The following RASSF8 variants were observed in gnomAD, a reference collection of about 807,000 sequenced individuals.
The protein encoded by RASSF8 is ras association domain-containing protein 8.
RASSF8 carries 22 observed loss-of-function variants against 48.5 expected under a neutral mutation model. That is an observed-to-expected ratio of 0.45 (90% CI 0.32 to 0.65). The LOEUF (loss-of-function observed/expected upper bound fraction) is 0.65, where lower values mean the gene tolerates loss of function less well. RASSF8 is among the 30% of genes least tolerant of loss of function. The probability of loss-of-function intolerance (pLI) is 0.03; values close to 1 mark genes in which losing one functional copy is unlikely to be tolerated. For missense variants in RASSF8, 418 were observed against 489.2 expected (o/e 0.85, Z 1.37); for synonymous variants, 127 against 171.5 (o/e 0.74, Z 2.03).
At chr12:26,008,760 A>G (rs984539927) in intron 2 of RASSF8, among the ~76,000 whole-genome samples, 6 of 152,208 alleles carry the variant, frequency 3.9e-5, no homozygotes, top group African/African-American at 1.4e-4. Flanking sequence ...AAGCATCTGC[A>G]TAGAATCTTA....
rs1190941000 is a variant in RASSF8, at chr12:25,958,943, C to G, written c.-408C>G. 6.8e-6 allele frequency: 1 copy of G among 146,914 alleles called. No individual in the cohort carries two copies. The highest frequency in any genetic ancestry group is 1.5e-5 in the Non-Finnish European group (1 of 66,088). 9.1% of individuals were successfully genotyped at this position (146,914 alleles called of 1,614,324 possible). On this transcript the variant is annotated 5_prime_UTR_variant, in exon 1 of 6. Transcript: ENST00000689635. ...GCGTCCACACTCACCTAGCGCGGGC[C>G]GGGAGGTGCGCGGAGAGGGAACGCC...
At chr12:26,006,065 A>T (rs1942383544) in intron 2 of RASSF8, among the ~76,000 whole-genome samples, 1 of 152,178 alleles carries the variant, frequency 6.6e-6, no homozygotes, top group Admixed American at 6.5e-5. Flanking sequence ...GCACAGACAC[A>T]CACACACACA....
At chr12:25,977,684 T>A (rs929861636) in intron 1 of RASSF8, among the ~76,000 whole-genome samples, 2 of 147,518 alleles carry the variant, frequency 1.4e-5, no homozygotes, top group Non-Finnish European at 3.0e-5. Flanking sequence ...AAAAAAAAAA[T>A]AAGAATCTTG....
chr12:26,054,015 A>G (rs1943549237), intron 2 of RASSF8, among the ~76,000 whole-genome samples: 1 of 152,234 alleles, frequency 6.6e-6, no homozygotes, highest in African/African-American at 2.4e-5. Context: ...TTTACAAGAA[A>G]AATTTCTAGT....
intron 3 of RASSF8, among the ~76,000 whole-genome samples, chr12:26,057,195 A>G (rs1943625610): frequency 1.3e-5 from 2 of 151,902 alleles, no homozygotes; most frequent in South Asian, 2.1e-4. Flanking sequence ...GGTTTGTTAC[A>G]TATGTATATA....
In RASSF8 at chr12:26,072,138, A is replaced by C. The variant is rs1415785570; in HGVS notation, c.*3320A>C. 2.0e-6 allele frequency: 2 copies of C among 984,296 alleles called. No individual in the cohort carries two copies. The highest frequency in any genetic ancestry group is 3.5e-5 in the African/African-American group (2 of 57,226). 61.0% of individuals were successfully genotyped at this position (984,296 alleles called of 1,614,324 possible). On this transcript the variant is annotated 3_prime_UTR_variant, in exon 6 of 6. Coordinates refer to ENST00000689635, the MANE Select transcript of RASSF8 (RefSeq NM_001394098.1). Reference sequence around the variant, plus strand: ...CCTTTGATAAATTTGGCCTTAATTTATATAACGATGCTGTGTTCACATCCC... The same window carrying C: ...CCTTTGATAAATTTGGCCTTAATTTCTATAACGATGCTGTGTTCACATCCC...
At chr12:26,001,336 T>G (rs1407650841) in intron 2 of RASSF8, among the ~76,000 whole-genome samples, 2 of 151,914 alleles carry the variant, frequency 1.3e-5, no homozygotes, top group African/African-American at 4.8e-5. Flanking sequence ...TTTTAAAAAT[T>G]AAAAATTTTT....
At chr12:26,066,268 T>G (rs1943873139) in intron 4 of RASSF8, among the ~76,000 whole-genome samples, 2 of 152,140 alleles carry the variant, frequency 1.3e-5, no homozygotes, top group Admixed American at 6.5e-5. Flanking sequence ...CAAAGTGTAG[T>G]CCATGCCAGG....
chr12:26,045,434 T>G (rs1943352075), intron 2 of RASSF8, among the ~76,000 whole-genome samples: 1 of 152,184 alleles, frequency 6.6e-6, no homozygotes. Flanking sequence ...AAATTTTCCT[T>G]AATCTTACAT....
intron 1 of RASSF8, among the ~76,000 whole-genome samples, chr12:25,970,711 G>A (rs891513652): frequency 6.6e-6 from 1 of 152,110 alleles, no homozygotes; most frequent in Non-Finnish European, 1.5e-5. Context: ...CTCACACCCT[G>A]GGCTGGTCAG....
chr12:26,039,573 G>GA (rs937866013), intron 2 of RASSF8, among the ~76,000 whole-genome samples: 5 of 151,748 alleles, frequency 3.3e-5, no homozygotes, highest in African/African-American at 9.7e-5. Context: ...ATTTTTCAGA[G>GA]AAAAAAAACC....
In RASSF8 at chr12:26,072,737, T is replaced by C. The variant is rs1162258377; in HGVS notation, c.*3919T>C. 1.1e-5 allele frequency: 10 copies of C among 951,762 alleles called. No homozygotes were observed. Among genetic ancestry groups the C allele is most frequent in the Non-Finnish European group, 1.3e-5 (10 of 799,460 alleles). The allele number at this position is 951,762 out of a possible 1,614,324, so 59.0% of individuals were successfully genotyped here. A position where few individuals can be genotyped will look rare whatever the true frequency, so the allele number is the denominator to read the frequency against. On this transcript the variant is annotated 3_prime_UTR_variant, in exon 6 of 6. Transcript: ENST00000689635. The stretch of plus-strand genomic sequence containing the variant: ...CTTATGTACAAATAAATCTGTAATA[T>C]GTATTATATGTAATTATCCTTTTCT...
At chr12:26,062,877 A>G (rs1943775624) in intron 3 of RASSF8, among the ~76,000 whole-genome samples, 1 of 152,148 alleles carries the variant, frequency 6.6e-6, no homozygotes, top group Admixed American at 6.5e-5. Flanking sequence ...TTAGAAGGGA[A>G]GTTGTGCTGC....
rs998677934 is a variant in RASSF8 at position 26,015,794 on chromosome 12, TG to T, written c.-109+20665del. On this transcript the variant is annotated intron_variant, in intron 2 of 5. Transcript: ENST00000689635. ...ATTAAAGAAAATAACTCATTAGCAA[TG>T]TTTTTTTTCAGGTTTGCTTTGCCTG... Among the ~76,000 whole-genome samples the T allele has an allele frequency of 2.0e-5, 3 of 152,312 alleles. No homozygotes were observed. The East Asian group carries it at 5.8e-4, about 29-fold the overall frequency.
chr12:25,959,505 A>G (rs1197959831), intron 1 of RASSF8: 1 of 152,236 alleles, frequency 6.6e-6, no homozygotes, highest in African/African-American at 2.4e-5. Flanking sequence ...TTTCCTCCGG[A>G]TGGAAATCGG....
In RASSF8 at chr12:26,070,931, C is replaced by T; in HGVS notation, c.*2113C>T. The T allele has an allele frequency of 1.0e-6, 1 of 984,012 alleles. No homozygotes were observed. The highest frequency in any genetic ancestry group is 4.7e-5 in the South Asian group (1 of 21,264). 61.0% of individuals were successfully genotyped at this position (984,012 alleles called of 1,614,324 possible). ...TTAACCTAATAACTTTAAGTAAGGACAAGCAGCATCCTAGCAACTTGTAGT... is the reference window on the plus strand; with the variant it reads ...TTAACCTAATAACTTTAAGTAAGGATAAGCAGCATCCTAGCAACTTGTAGT... On this transcript the variant is annotated 3_prime_UTR_variant, in exon 6 of 6. Coordinates refer to ENST00000689635, the MANE Select transcript of RASSF8 (RefSeq NM_001394098.1).
At chr12:25,989,392 C>T (rs973250136) in intron 1 of RASSF8, among the ~76,000 whole-genome samples, 6 of 151,812 alleles carry the variant, frequency 4.0e-5, no homozygotes, top group African/African-American at 9.7e-5. Context: ...TTCCCCCCAC[C>T]CCCTCTTTCT....
intron 1 of RASSF8, among the ~76,000 whole-genome samples, chr12:25,976,543 C>T (rs1941610172): frequency 6.6e-6 from 1 of 152,154 alleles, no homozygotes; most frequent in African/African-American, 2.4e-5. Context: ...GCTACCACTT[C>T]GGTTACATGA....
chr12:25,986,598 GCTTA>G (rs984404865), intron 1 of RASSF8, among the ~76,000 whole-genome samples: 4 of 152,202 alleles, frequency 2.6e-5, no homozygotes, highest in Non-Finnish European at 4.4e-5. Flanking sequence ...CACAAGAGCA[GCTTA>G]CTTCTTCTTA....
Sources: allele counts gnomAD v4.1 joint callset (sites outside exome capture counted in the v4.1 genomes callset), GRCh38; gene constraint gnomAD v4.1.1; transcripts MANE v1.5; gene names NCBI Gene and HGNC (gene_info 2026-07-23, HGNC 2026-07-21).